The following API5 variants were observed in gnomAD, a reference collection of about 807,000 sequenced individuals.
API5 encodes the protein apoptosis inhibitor 5, also known as FIF.
A neutral mutation model predicts 71.9 loss-of-function variants in API5; 6 were observed. That is an observed-to-expected ratio of 0.08 (90% confidence interval 0.05 to 0.16). The LOEUF (loss-of-function observed/expected upper bound fraction) is 0.16. API5 is among the 10% of genes least tolerant of loss of function. The pLI is 1.00. For missense variants in API5, 332 were observed against 612.8 expected (o/e 0.54, Z 4.84); for synonymous variants, 189 against 221.3 (o/e 0.85, Z 1.30).
chr11:43,323,771 A>C (rs1854974325), intron 6 of API5, 135 bp downstream of exon 6: 1 of 859,598 alleles, frequency 1.2e-6, no homozygotes, highest in African/African-American at 1.7e-5. Flanking sequence ...AAGTGTATTC[A>C]GATTTTTGAA....
rs1441838931 is a variant in API5 at position 43,344,446 on chromosome 11, T to C, written c.*1936T>C. The C allele has an allele frequency of 3.9e-5, 6 of 152,656 alleles. No homozygotes were observed. The allele number at this position is 152,656 out of a possible 1,614,324, so 9.5% of individuals were successfully genotyped here. A position where few individuals can be genotyped will look rare whatever the true frequency, so the allele number is the denominator to read the frequency against. On this transcript the variant is annotated 3_prime_UTR_variant, in exon 14 of 14. Coordinates refer to ENST00000531273, the MANE Select transcript of API5 (RefSeq NM_001142930.2). Reference sequence around the variant, plus strand: ...AAAAACTTAATGCCATGGATTTTTTTCTTTTGCAAGACACCTGTTTATCAT... The same window carrying C: ...AAAAACTTAATGCCATGGATTTTTTCCTTTTGCAAGACACCTGTTTATCAT...
chr11:43,321,194 A>G (rs569643490), intron 3 of API5, among the ~76,000 whole-genome samples: 2 of 152,186 alleles, frequency 1.3e-5, no homozygotes, highest in Admixed American at 6.5e-5. Flanking sequence ...CTGTAGTTTC[A>G]TAATTGTAGC....
chr11:43,314,444 C>CA (rs1438145869), intron 1 of API5, among the ~76,000 whole-genome samples: 2 of 152,142 alleles, frequency 1.3e-5, no homozygotes, highest in Admixed American at 1.3e-4. Flanking sequence ...CCCAAGGGGT[C>CA]AAAATGTCTT....
intron 6 of API5, among the ~76,000 whole-genome samples, chr11:43,325,557 G>A (rs749705558): frequency 6.6e-5 from 10 of 152,130 alleles, no homozygotes; most frequent in Non-Finnish European, 7.3e-5. Flanking sequence ...ATTCAATTCC[G>A]ACTGAAAAAT....
At position 43,335,877 on chromosome 11, in the gene API5, G is replaced by T. The variant is rs1056722959; in HGVS notation, c.1375G>T (p.Asp459Tyr). Residue 459 changes from aspartate (D) to tyrosine (Y), a missense_variant, in exon 13 of 14, where the codon GAT becomes TAT. Around this residue, in one of 3 missense-constraint regions of API5, gnomAD observed 168 missense variants for 343.9 expected, o/e 0.49. Transcript: ENST00000531273. Reference protein sequence around the residue: ...VEIGQKRASEDTTSGSPPKKS... With the variant: ...VEIGQKRASEYTTSGSPPKKS... ...TTACAGGCAAAAGAGAGCCAGTGAA[G>T]ATACAACTTCAGGTTCACCACCCAA... is the stretch of plus-strand genomic sequence containing the variant. 4 of 1,610,920 alleles carry T rather than the reference G, an allele frequency of 2.5e-6. No homozygotes were observed. The highest frequency in any genetic ancestry group is 2.2e-5 in the East Asian group (1 of 44,850).
intron 9 of API5, chr11:43,329,464 T>G (rs773532057): frequency 3.0e-4 from 46 of 154,992 alleles, no homozygotes; most frequent in Non-Finnish European, 6.0e-4. Context: ...GCAGGTACCC[T>G]AACCTCTCTT....
intron 6 of API5, among the ~76,000 whole-genome samples, chr11:43,324,179 G>A (rs901449808): frequency 1.4e-4 from 22 of 152,014 alleles, no homozygotes; most frequent in African/African-American, 5.1e-4. Flanking sequence ...TATCACACTC[G>A]GCTAATTTTT....
At chr11:43,321,939 T>G in intron 4 of API5, 46 bp from the exon 5 acceptor site, 1 of 1,557,034 alleles carries the variant, frequency 6.4e-7, no homozygotes, top group Non-Finnish European at 8.7e-7. Context: ...AAAACACCAT[T>G]ACACTATAGA....
At chr11:43,314,038 G>T (rs576157840) in intron 1 of API5, among the ~76,000 whole-genome samples, 149 of 151,714 alleles carry the variant, frequency 9.8e-4, no homozygotes, top group African/African-American at 3.5e-3. Context: ...CCTGTGAGCT[G>T]ATATCGGGCC....
At chr11:43,340,911 C>T (rs964061671) in intron 13 of API5, among the ~76,000 whole-genome samples, 33 of 152,044 alleles carry the variant, frequency 2.2e-4, no homozygotes, top group Admixed American at 1.9e-3. Flanking sequence ...CCTAAAAGCA[C>T]AGGCAACAAA....
chr11:43,337,007 C>CAA (rs559170436), intron 13 of API5, among the ~76,000 whole-genome samples: 128 of 66,320 alleles, frequency 1.9e-3, no homozygotes, highest in Non-Finnish European at 2.1e-3. Context: ...GACTCCGTCT[C>CAA]AAAAAAAAAA....
At chr11:43,341,914 T>G (rs963925780) in intron 13 of API5, among the ~76,000 whole-genome samples, 5 of 151,884 alleles carry the variant, frequency 3.3e-5, no homozygotes, top group African/African-American at 1.2e-4. Context: ...GTCCCAGCAC[T>G]GAGGCAGGAC....
chr11:43,321,863 G>A (rs1854903973), intron 4 of API5, 122 bp from the exon 5 acceptor site: 1 of 974,834 alleles, frequency 1.0e-6, no homozygotes, highest in Non-Finnish European at 1.5e-6. Flanking sequence ...AACTAGTAAT[G>A]AGGATGATAT....
rs1265320818 is a variant in API5 at position 43,343,695 on chromosome 11, C to A, written c.*1185C>A. 2 of 152,586 alleles carry A rather than the reference C, an allele frequency of 1.3e-5. No individual in the cohort carries two copies. Among genetic ancestry groups the A allele is most frequent in the Non-Finnish European group, 2.9e-5 (2 of 68,026 alleles). 9.5% of individuals were successfully genotyped at this position (152,586 alleles called of 1,614,324 possible). A position where few individuals can be genotyped will look rare whatever the true frequency, so the allele number is the denominator to read the frequency against. ...AGCCAATAGAATTTTTAGGTTAAAA[C>A]AACAGATGGGGGGTTTGTGGAGTGT... is the stretch of plus-strand genomic sequence containing the variant. On this transcript the variant is annotated 3_prime_UTR_variant, in exon 14 of 14. Transcript: ENST00000531273.
chr11:43,325,186 A>T (rs893439439), intron 6 of API5, among the ~76,000 whole-genome samples: 1 of 152,222 alleles, frequency 6.6e-6, no homozygotes, highest in African/African-American at 2.4e-5. Flanking sequence ...TCTGAACAGG[A>T]TATAGTTTGA....
intron 1 of API5, among the ~76,000 whole-genome samples, chr11:43,317,560 C>T (rs921491500): frequency 6.6e-6 from 1 of 152,134 alleles, no homozygotes; most frequent in Admixed American, 6.5e-5. Flanking sequence ...GCTGGAATTG[C>T]TAAATTTCTG....
chr11:43,334,552 T>G (rs1378669118), intron 11 of API5, among the ~76,000 whole-genome samples: 1 of 152,122 alleles, frequency 6.6e-6, no homozygotes, highest in African/African-American at 2.4e-5. Context: ...GAATTTTACC[T>G]ATATACAAAA....
intron 13 of API5, among the ~76,000 whole-genome samples, chr11:43,338,651 A>T (rs1469727618): frequency 8.0e-6 from 1 of 125,658 alleles, no homozygotes; most frequent in Non-Finnish European, 1.9e-5. Flanking sequence ...TTGGAGGTAA[A>T]AAAAAAAAAA....
At chr11:43,336,346 A>G (rs535585138) in intron 13 of API5, 9 of 321,884 alleles carry the variant, frequency 2.8e-5, no homozygotes, top group Non-Finnish European at 5.1e-5. Flanking sequence ...TCCCTCAGGG[A>G]TGGGTATAGC....
Sources: allele counts gnomAD v4.1 joint callset (sites outside exome capture counted in the v4.1 genomes callset), GRCh38; gene constraint gnomAD v4.1.1; regional missense constraint gnomAD v4.1.1; transcripts MANE v1.5; gene names NCBI Gene and HGNC (gene_info 2026-07-23, HGNC 2026-07-21).